The following ADCY8 variants were observed in gnomAD, a reference collection of about 807,000 sequenced individuals.
ADCY8 encodes adenylate cyclase type 8.
In ADCY8, 51 loss-of-function variants were observed where a neutral mutation model predicts 119.7. That is an observed-to-expected ratio of 0.43 (90% CI 0.34 to 0.54). ADCY8 has a LOEUF of 0.54. Ranked by LOEUF, ADCY8 falls within the 20% of genes least tolerant of loss-of-function variation. The probability of loss-of-function intolerance (pLI) is 0.03; values close to 1 mark genes in which losing one functional copy is unlikely to be tolerated. For missense variants in ADCY8, 1,383 were observed against 1,598.8 expected, an observed-to-expected ratio of 0.87 and a Z score of 2.30; for synonymous variants, 665 against 651.0, an observed-to-expected ratio of 1.02 and a Z score of -0.33.
At chr8:130,803,006 T>A (rs1413590097) in intron 14 of ADCY8, among the ~76,000 whole-genome samples, 11 of 152,154 alleles carry the variant, frequency 7.2e-5, no homozygotes, top group Admixed American at 7.2e-4. Flanking sequence ...GGATGATGCA[T>A]CATTTATCGG....
intron 8 of ADCY8, among the ~76,000 whole-genome samples, chr8:130,869,452 A>G (rs749967868): frequency 4.0e-5 from 6 of 151,212 alleles, no homozygotes; most frequent in South Asian, 2.1e-4. Flanking sequence ...CTAACAACCA[A>G]TTACAGAGGA....
chr8:131,006,695 C>T (rs1823129525), intron 1 of ADCY8, among the ~76,000 whole-genome samples: 1 of 152,086 alleles, frequency 6.6e-6, no homozygotes, highest in Non-Finnish European at 1.5e-5. Context: ...TGCTGGGCAA[C>T]ATTGATAAAA....
chr8:130,978,678 G>A (rs1028646070), intron 2 of ADCY8, among the ~76,000 whole-genome samples: 2 of 152,178 alleles, frequency 1.3e-5, no homozygotes, highest in African/African-American at 4.8e-5. Flanking sequence ...GTTGGAAACT[G>A]CCAAGCTTAC....
chr8:130,837,938 G>A (rs1406467803), intron 11 of ADCY8, among the ~76,000 whole-genome samples: 1 of 152,146 alleles, frequency 6.6e-6, no homozygotes. Flanking sequence ...ACCAATTCAC[G>A]TAAATGGGAC....
intron 2 of ADCY8, among the ~76,000 whole-genome samples, chr8:130,977,692 A>G (rs1349557058): frequency 6.6e-6 from 1 of 152,248 alleles, no homozygotes; most frequent in African/African-American, 2.4e-5. Context: ...GATATTTATT[A>G]CCACTATTCC....
chr8:130,963,963 C>T (rs1023334688), intron 2 of ADCY8, among the ~76,000 whole-genome samples: 13 of 152,154 alleles, frequency 8.5e-5, no homozygotes, highest in Admixed American at 3.3e-4. Flanking sequence ...CTTTCCACCC[C>T]AATGTTTTAG....
chr8:130,878,312 T>C (rs903984104), intron 8 of ADCY8, among the ~76,000 whole-genome samples: 1 of 152,232 alleles, frequency 6.6e-6, no homozygotes. Context: ...TTACCCATTA[T>C]TGATCAGTAA....
At chr8:130,910,981 A>T (rs1277151648) in intron 5 of ADCY8, among the ~76,000 whole-genome samples, 1 of 152,238 alleles carries the variant, frequency 6.6e-6, no homozygotes, top group Non-Finnish European at 1.5e-5. Context: ...CAAAATGCTT[A>T]AAAGAGTTGT....
At chr8:131,004,307 G>C (rs1293716331) in intron 1 of ADCY8, among the ~76,000 whole-genome samples, 1 of 152,076 alleles carries the variant, frequency 6.6e-6, no homozygotes, top group Non-Finnish European at 1.5e-5. Flanking sequence ...ATCTTTCTTT[G>C]TTCTGCCCCT....
chr8:130,788,617 G>A (rs1815331442), intron 15 of ADCY8, among the ~76,000 whole-genome samples: 1 of 152,110 alleles, frequency 6.6e-6, no homozygotes, highest in Admixed American at 6.5e-5. Flanking sequence ...AAAACAGCTA[G>A]AAGGAAGGAT....
intron 8 of ADCY8, among the ~76,000 whole-genome samples, chr8:130,874,810 C>G (rs1295649438): frequency 6.6e-6 from 1 of 152,122 alleles, no homozygotes; most frequent in Non-Finnish European, 1.5e-5. Flanking sequence ...TCCCCAACAT[C>G]TTTCATCCTT....
At chr8:131,014,074 C>T (rs7835943) in intron 1 of ADCY8, among the ~76,000 whole-genome samples, 92,408 of 152,046 alleles carry the variant, frequency 0.61, 30,027 homozygotes, top group African/African-American at 0.84. Context: ...ATTTTACAAG[C>T]TGAGACCAAT....
intron 3 of ADCY8, among the ~76,000 whole-genome samples, chr8:130,946,808 A>T (rs1821118514): frequency 6.6e-6 from 1 of 152,174 alleles, no homozygotes; most frequent in South Asian, 2.1e-4. Context: ...AATTGTTAGA[A>T]ATGTAGACTC....
At chr8:130,969,029 T>C (rs1237365077) in intron 2 of ADCY8, among the ~76,000 whole-genome samples, 28 of 152,216 alleles carry the variant, frequency 1.8e-4, no homozygotes, top group Admixed American at 1.8e-3. Context: ...AAGCATTGTG[T>C]CATTAAGGAC....
At chr8:130,927,867 C>T (rs138122539) in intron 5 of ADCY8, among the ~76,000 whole-genome samples, 1 of 152,228 alleles carries the variant, frequency 6.6e-6, no homozygotes, top group Non-Finnish European at 1.5e-5. Flanking sequence ...GAGTGGACAT[C>T]CCTGTCTTTT....
chr8:130,785,252 T>A (rs1451964312), intron 16 of ADCY8, 131 bp downstream of exon 16: 1 of 568,300 alleles, frequency 1.8e-6, no homozygotes, highest in Non-Finnish European at 3.0e-6. Context: ...GTAACTATTA[T>A]AATCCAGTCC....
At chr8:130,907,051 A>G (rs1454908407) in intron 6 of ADCY8, among the ~76,000 whole-genome samples, 3 of 152,066 alleles carry the variant, frequency 2.0e-5, no homozygotes, top group Admixed American at 1.3e-4. Context: ...TTATATGGTA[A>G]CTACTACCAG....
chr8:130,895,664 C>T (rs115848291), intron 7 of ADCY8, among the ~76,000 whole-genome samples: 1,835 of 152,194 alleles, frequency 0.012, 27 homozygotes, highest in African/African-American at 0.041. Flanking sequence ...CAGAAAAAGC[C>T]ATGTTACTGG....
rs532993541 is a variant in ADCY8 at position 131,035,560 on chromosome 8, G to T, written c.960+3814C>A. Among the ~76,000 whole-genome samples, 9 of 152,224 alleles carry T rather than the reference G, an allele frequency of 5.9e-5. 1 individual carries two copies. The South Asian group carries it at 1.5e-3, about 25-fold the overall frequency. ...GGTGATTCAATAAACACAGGGCTTT[G>T]TCTCTTCATATAGGGTGTCTGCAGA... is the stretch of plus-strand genomic sequence containing the variant. On this transcript the variant is annotated intron_variant, in intron 1 of 17. Transcript: ENST00000286355.
Sources: gnomAD v4.1 joint callset for allele counts (sites outside exome capture counted in the v4.1 genomes callset) on GRCh38, gnomAD v4.1.1 for gene constraint, MANE v1.5 for transcripts, NCBI Gene and HGNC (gene_info 2026-07-23, HGNC 2026-07-21) for gene names.